INPP4B: variants seen among roughly 807,000 people sequenced by gnomAD.
INPP4B encodes inositol polyphosphate 4-phosphatase type II.
Under a neutral mutation model 122.5 loss-of-function variants are expected in INPP4B, and 55 were observed. The ratio of observed to expected loss-of-function variants is 0.45; its 90% CI spans 0.36 to 0.56. The LOEUF is 0.56. Among genes scored for constraint, INPP4B ranks in the 20% least tolerant of loss-of-function variants. The probability of loss-of-function intolerance (pLI) is 0.00; values close to 1 mark genes in which losing one functional copy is unlikely to be tolerated. For missense variants in INPP4B, 1,000 were observed against 1,097.7 expected (o/e 0.91, Z 1.26); for synonymous variants, 403 against 388.7 (o/e 1.04, Z -0.43).
chr4:142,631,649 C>T lies in INPP4B; in HGVS notation c.-191+94190G>A, dbSNP rs115114558. Reference sequence around the variant, plus strand: ...CTACATCTAAATACATCATGGTAAGCCTACAGAAAATTAAAGATGAAGAAA... The same window carrying T: ...CTACATCTAAATACATCATGGTAAGTCTACAGAAAATTAAAGATGAAGAAA... On this transcript the variant is annotated intron_variant, in intron 2 of 25. Transcript: ENST00000262992. Among the ~76,000 whole-genome samples, 736 of 151,856 alleles carry T rather than the reference C, an allele frequency of 4.8e-3. 3 individuals carry two copies. Among genetic ancestry groups the T allele is most frequent in the Admixed American group, 7.7e-3 (118 of 15,244 alleles).
chr4:142,256,885 G>A lies in INPP4B; in HGVS notation c.688+3607C>T, dbSNP rs13129247. The stretch of plus-strand genomic sequence containing the variant: ...CCAGCATCATCCTGATACCAAAGCT[G>A]GGCAGAGACACAACCAAAAAAGAGA... On this transcript the variant is annotated intron_variant, in intron 11 of 25. Coordinates refer to ENST00000262992, the MANE Select transcript of INPP4B (RefSeq NM_001101669.3). Among the ~76,000 whole-genome samples, 34 of 152,028 alleles carry A rather than the reference G, an allele frequency of 2.2e-4. No individual in the cohort carries two copies. The East Asian group carries it at 5.2e-3, about 23-fold the overall frequency.
At chr4:142,472,888 T>C (rs1819138743) in intron 2 of INPP4B, among the ~76,000 whole-genome samples, 1 of 152,218 alleles carries the variant, frequency 6.6e-6, no homozygotes, top group Admixed American at 6.5e-5. Flanking sequence ...TTCTACTTTA[T>C]GAATTTTTCT....
chr4:142,837,520 T>C (rs900985872), intron 1 of INPP4B, among the ~76,000 whole-genome samples: 1 of 152,158 alleles, frequency 6.6e-6, no homozygotes. Flanking sequence ...AATGAAAATA[T>C]TGTCCTCCCT....
intron 1 of INPP4B, among the ~76,000 whole-genome samples, chr4:142,770,179 G>C (rs1179217462): frequency 6.6e-6 from 1 of 152,092 alleles, no homozygotes; most frequent in Non-Finnish European, 1.5e-5. Flanking sequence ...CTAGTTGGTT[G>C]GTTGGTTTAC....
In INPP4B at chr4:142,479,669, C is replaced by T. The variant is rs572843909; in HGVS notation, c.-190-16943G>A. ...GATCATGTCCTAAGCAGCAAATGAACGGAGCTGAAAGTCATAATCCTAAGC... is the reference window on the plus strand; with the variant it reads ...GATCATGTCCTAAGCAGCAAATGAATGGAGCTGAAAGTCATAATCCTAAGC... On this transcript the variant is annotated intron_variant, in intron 2 of 25. Transcript: ENST00000262992. Among the ~76,000 whole-genome samples, 12 of 152,070 alleles carry T rather than the reference C, an allele frequency of 7.9e-5. 1 individual carries two copies. The East Asian group carries it at 9.7e-4, about 12-fold the overall frequency.
intron 2 of INPP4B, among the ~76,000 whole-genome samples, chr4:142,553,684 A>C (rs765147664): frequency 1.3e-5 from 2 of 152,150 alleles, no homozygotes; most frequent in Non-Finnish European, 2.9e-5. Context: ...TTGATAATGT[A>C]ACTTGTATTG....
At chr4:142,133,752 T>C (rs573441716) in intron 18 of INPP4B, among the ~76,000 whole-genome samples, 22 of 152,306 alleles carry the variant, frequency 1.4e-4, no homozygotes, top group Middle Eastern at 3.4e-3. Flanking sequence ...GGTAGGGACA[T>C]TTATGCTTCA....
chr4:142,756,937 G>A (rs1320590783), intron 1 of INPP4B, among the ~76,000 whole-genome samples: 2 of 152,128 alleles, frequency 1.3e-5, no homozygotes, highest in African/African-American at 4.8e-5. Context: ...CTAAAAAGGA[G>A]TCCTACTGGT....
intron 25 of INPP4B, among the ~76,000 whole-genome samples, chr4:142,032,709 T>C (rs1299066831): frequency 2.0e-5 from 3 of 149,864 alleles, no homozygotes; most frequent in African/African-American, 5.1e-5. Context: ...GCGTTGAGCA[T>C]GTCATTCAGT....
intron 1 of INPP4B, among the ~76,000 whole-genome samples, chr4:142,768,588 G>C: frequency 6.6e-6 from 1 of 152,196 alleles, no homozygotes; most frequent in East Asian, 1.9e-4. Flanking sequence ...ATCTACCTCA[G>C]AGCATTGTTG....
At chr4:142,175,082 A>C (rs949047191) in intron 15 of INPP4B, among the ~76,000 whole-genome samples, 5 of 152,180 alleles carry the variant, frequency 3.3e-5, no homozygotes, top group Non-Finnish European at 4.4e-5. Context: ...AGAGGGAAGT[A>C]ATGGCTCATG....
intron 7 of INPP4B, among the ~76,000 whole-genome samples, chr4:142,362,549 G>A (rs763734940): frequency 5.3e-5 from 8 of 151,840 alleles, no homozygotes; most frequent in African/African-American, 9.7e-5. Context: ...TAGTTATAAG[G>A]GTAAGAACTT....
At chr4:142,577,442 C>T (rs555172386) in intron 2 of INPP4B, among the ~76,000 whole-genome samples, 2 of 152,008 alleles carry the variant, frequency 1.3e-5, no homozygotes, top group Non-Finnish European at 2.9e-5. Context: ...GGACAACATA[C>T]AATCACATAA....
At chr4:142,617,587 C>T (rs778886646) in intron 2 of INPP4B, among the ~76,000 whole-genome samples, 7 of 152,092 alleles carry the variant, frequency 4.6e-5, no homozygotes, top group Non-Finnish European at 1.0e-4. Flanking sequence ...AGAGAGAAGG[C>T]GCTGCCATTA....
intron 2 of INPP4B, among the ~76,000 whole-genome samples, chr4:142,633,950 CA>C: frequency 6.6e-6 from 1 of 151,658 alleles, no homozygotes; most frequent in East Asian, 1.9e-4. Context: ...CAGCTGAGCC[CA>C]GGAGGTTGAG....
intron 10 of INPP4B, among the ~76,000 whole-genome samples, chr4:142,263,617 CACAAATGAGATAAA>C (rs1741190854): frequency 8.9e-6 from 1 of 112,818 alleles, no homozygotes. Context: ...GAAAATAGAC[CACAAATGAGATAAA>C]TTCGTAAAAT....
intron 2 of INPP4B, among the ~76,000 whole-genome samples, chr4:142,623,202 A>G (rs1745363444): frequency 6.6e-6 from 1 of 151,402 alleles, no homozygotes; most frequent in Non-Finnish European, 1.5e-5. Context: ...CATCTTCTCT[A>G]CTCCTATTGT....
chr4:142,186,312 T>A (rs1833192091), intron 15 of INPP4B, among the ~76,000 whole-genome samples: 1 of 152,218 alleles, frequency 6.6e-6, no homozygotes, highest in African/African-American at 2.4e-5. Flanking sequence ...CACTATTATT[T>A]CCACTTTACA....
chr4:142,364,814 G>A (rs558950365), intron 7 of INPP4B, among the ~76,000 whole-genome samples: 1 of 152,078 alleles, frequency 6.6e-6, no homozygotes, highest in African/African-American at 2.4e-5. Context: ...CCCCAAGAGA[G>A]AATCAGCTAT....
Sources: gnomAD v4.1 joint callset for allele counts (sites outside exome capture counted in the v4.1 genomes callset) on GRCh38, gnomAD v4.1.1 for gene constraint, MANE v1.5 for transcripts, NCBI Gene and HGNC (gene_info 2026-07-23, HGNC 2026-07-21) for gene names.